GPHN: variants seen among roughly 807,000 people sequenced by gnomAD.
GPHN encodes gephyrin.
Under a neutral mutation model 95.5 loss-of-function variants are expected in GPHN, and 17 were observed. That is an observed-to-expected ratio of 0.18 (90% CI 0.12 to 0.27). GPHN has a LOEUF of 0.27. Ranked by LOEUF, GPHN falls within the 10% of genes least tolerant of loss-of-function variation. The probability of loss-of-function intolerance (pLI) is 1.00; values close to 1 mark genes in which losing one functional copy is unlikely to be tolerated. For missense variants in GPHN, 660 were observed against 978.1 expected, an observed-to-expected ratio of 0.67 and a Z score of 4.34; for synonymous variants, 320 against 322.5, an observed-to-expected ratio of 0.99 and a Z score of 0.08.
chr14:67,489,818 A>C, the GPHN span, among the ~76,000 whole-genome samples: 1 of 152,126 alleles, frequency 6.6e-6, no homozygotes, highest in Non-Finnish European at 1.5e-5. Flanking sequence ...GTGAAACCCC[A>C]TCTCTACTAA....
intron 13 of GPHN, among the ~76,000 whole-genome samples, chr14:67,103,955 A>G (rs944751144): frequency 1.3e-5 from 2 of 152,190 alleles, no homozygotes; most frequent in Non-Finnish European, 2.9e-5. Context: ...TCCAGATCTC[A>G]GAGGAAAAGC....
chr14:67,294,025 TA>T, the GPHN span, among the ~76,000 whole-genome samples: 1 of 152,116 alleles, frequency 6.6e-6, no homozygotes, highest in Non-Finnish European at 1.5e-5. Context: ...AGCAAAGAAC[TA>T]AAGTGGCTTA....
At chr14:66,932,749 C>CA (rs1394302602) in intron 8 of GPHN, among the ~76,000 whole-genome samples, 1 of 151,576 alleles carries the variant, frequency 6.6e-6, no homozygotes, top group East Asian at 2.0e-4. Flanking sequence ...GTGAGTCCTG[C>CA]GAGGCCTGTA....
At chr14:66,660,063 A>G (rs1368480141) in intron 1 of GPHN, among the ~76,000 whole-genome samples, 1 of 151,796 alleles carries the variant, frequency 6.6e-6, no homozygotes, top group Non-Finnish European at 1.5e-5. Context: ...TTTTAATGAT[A>G]TCTCTTTTCT....
chr14:67,658,105 T>C, the GPHN span, among the ~76,000 whole-genome samples: 1 of 152,084 alleles, frequency 6.6e-6, no homozygotes, highest in African/African-American at 2.4e-5. Context: ...AGGAAACCAC[T>C]GAATGAGGTT....
At chr14:67,600,299 G>A in the GPHN span, 3 of 1,066,462 alleles carry the variant, frequency 2.8e-6, no homozygotes, top group East Asian at 8.7e-5. Flanking sequence ...CGGCAGCCGC[G>A]TCACCACGCC....
the GPHN span, among the ~76,000 whole-genome samples, chr14:67,657,588 G>A: frequency 7.1e-5 from 10 of 140,940 alleles, no homozygotes; most frequent in Admixed American, 1.5e-4. Flanking sequence ...TTCAAAGCAC[G>A]CGCGCGCGTG....
chr14:67,392,394 C>T, the GPHN span: 51 of 1,613,934 alleles, frequency 3.2e-5, 1 homozygote, highest in Admixed American at 7.0e-4. Flanking sequence ...CTAATTTCTT[C>T]CTTGGGGCTT....
intron 2 of GPHN, among the ~76,000 whole-genome samples, chr14:66,773,604 G>A (rs1010436169): frequency 2.6e-5 from 4 of 151,968 alleles, no homozygotes; most frequent in Non-Finnish European, 4.4e-5. Flanking sequence ...CTCCCATCTC[G>A]GCCTCCCAAA....
intron 1 of GPHN, among the ~76,000 whole-genome samples, chr14:66,594,286 G>A (rs926694003): frequency 6.8e-6 from 1 of 146,776 alleles, no homozygotes; most frequent in Admixed American, 6.8e-5. Context: ...AAACTCCAAT[G>A]ACATATTCCC....
the GPHN span, among the ~76,000 whole-genome samples, chr14:67,326,053 G>A: frequency 0.02 from 2,715 of 136,260 alleles, 38 homozygotes; most frequent in Non-Finnish European, 0.028. Context: ...TCTCGATCTC[G>A]TGACCTCGTG....
At chr14:67,266,049 C>T in the GPHN span, among the ~76,000 whole-genome samples, 1 of 152,086 alleles carries the variant, frequency 6.6e-6, no homozygotes, top group South Asian at 2.1e-4. Context: ...CTCAGTGATA[C>T]TCCTGTCTCT....
intron 9 of GPHN, among the ~76,000 whole-genome samples, chr14:67,000,750 ATCTC>A (rs1016571159): frequency 6.6e-5 from 10 of 151,566 alleles, no homozygotes; most frequent in Non-Finnish European, 1.2e-4. Flanking sequence ...ATTAGTATAT[ATCTC>A]TCTCTCTGAC....
intron 3 of GPHN, among the ~76,000 whole-genome samples, chr14:66,814,078 A>G (rs1310047902): frequency 6.6e-6 from 1 of 152,180 alleles, no homozygotes; most frequent in Non-Finnish European, 1.5e-5. Flanking sequence ...CCCAGCCAGC[A>G]CACAGGAACG....
intron 9 of GPHN, among the ~76,000 whole-genome samples, chr14:66,974,605 G>A (rs1173854894): frequency 6.6e-6 from 1 of 151,984 alleles, no homozygotes; most frequent in Non-Finnish European, 1.5e-5. Context: ...AAGACAGACT[G>A]TAAGTGGTAT....
chr14:66,632,787 G>A (rs966864920), intron 1 of GPHN, among the ~76,000 whole-genome samples: 3 of 151,966 alleles, frequency 2.0e-5, no homozygotes, highest in East Asian at 1.9e-4. Context: ...CACCGCACCC[G>A]GCCCCTTATA....
At chr14:67,063,200 A>G (rs2075895051) in intron 11 of GPHN, among the ~76,000 whole-genome samples, 1 of 152,278 alleles carries the variant, frequency 6.6e-6, no homozygotes, top group East Asian at 1.9e-4. Flanking sequence ...ATCCTTTCCC[A>G]TTTCTTGTTT....
At chr14:66,580,505 G>A (rs1397549588) in intron 1 of GPHN, among the ~76,000 whole-genome samples, 1 of 151,360 alleles carries the variant, frequency 6.6e-6, no homozygotes, top group Non-Finnish European at 1.5e-5. Flanking sequence ...TGAAAGAGGA[G>A]ACATTACATC....
chr14:66,578,779 G>GA (rs2061022203), intron 1 of GPHN, among the ~76,000 whole-genome samples: 1 of 148,450 alleles, frequency 6.7e-6, no homozygotes, highest in African/African-American at 2.5e-5. Flanking sequence ...AGACAAATAA[G>GA]AACTGAGGAA....
Sources: gnomAD v4.1 joint callset for allele counts (sites outside exome capture counted in the v4.1 genomes callset) on GRCh38, gnomAD v4.1.1 for gene constraint, MANE v1.5 for transcripts, NCBI Gene and HGNC (gene_info 2026-07-23, HGNC 2026-07-21) for gene names.